The following NPAS3 variants were observed in gnomAD, a reference collection of about 807,000 sequenced individuals.
NPAS3 encodes the protein neuronal PAS domain-containing protein 3.
A neutral mutation model predicts 73.1 loss-of-function variants in NPAS3; 14 were observed. The observed-to-expected ratio is 0.19, with a 90% CI of 0.13 to 0.30. The LOEUF is 0.30. Among genes scored for constraint, NPAS3 ranks in the 10% least tolerant of loss-of-function variants. The probability of loss-of-function intolerance (pLI) is 1.00; values close to 1 mark genes in which losing one functional copy is unlikely to be tolerated. For missense variants in NPAS3, 1,096 were observed against 1,250.0 expected, an observed-to-expected ratio of 0.88 and a Z score of 1.86; for synonymous variants, 620 against 541.5, an observed-to-expected ratio of 1.14 and a Z score of -2.01.
At chr14:33,785,231 C>G (rs1229513157) in intron 9 of NPAS3, among the ~76,000 whole-genome samples, 3 of 151,328 alleles carry the variant, frequency 2.0e-5, no homozygotes, top group Admixed American at 6.6e-5. Context: ...GTCAGGAGTT[C>G]GAGACCAGCC....
chr14:33,009,296 T>G (rs1314215455), intron 1 of NPAS3, among the ~76,000 whole-genome samples: 1 of 152,162 alleles, frequency 6.6e-6, no homozygotes, highest in Non-Finnish European at 1.5e-5. Context: ...AATGCAAGCA[T>G]CCAGTAGTAT....
chr14:33,194,901 G>C (rs1458698993), intron 2 of NPAS3, among the ~76,000 whole-genome samples: 1 of 152,140 alleles, frequency 6.6e-6, no homozygotes, highest in Non-Finnish European at 1.5e-5. Context: ...TTAGGAAGAA[G>C]TAGCATTTAG....
At chr14:33,202,485 C>G (rs1244826915) in intron 2 of NPAS3, among the ~76,000 whole-genome samples, 1 of 151,996 alleles carries the variant, frequency 6.6e-6, no homozygotes, top group Non-Finnish European at 1.5e-5. Context: ...ATTTGTAATT[C>G]CTCAAAGGCA....
At chr14:33,138,405 T>C (rs1470646405) in intron 2 of NPAS3, among the ~76,000 whole-genome samples, 1 of 152,180 alleles carries the variant, frequency 6.6e-6, no homozygotes, top group East Asian at 1.9e-4. Context: ...TGAATACATA[T>C]AAAGCTATAA....
intron 4 of NPAS3, among the ~76,000 whole-genome samples, chr14:33,551,988 T>G (rs1381343097): frequency 1.3e-5 from 2 of 152,254 alleles, no homozygotes; most frequent in Non-Finnish European, 2.9e-5. Flanking sequence ...TTTATAAAGT[T>G]AATTTTCAAC....
intron 5 of NPAS3, among the ~76,000 whole-genome samples, chr14:33,565,434 C>T (rs1008258815): frequency 3.3e-5 from 5 of 152,286 alleles, no homozygotes; most frequent in East Asian, 1.9e-4. Context: ...ATAACTTGGC[C>T]GAGGGCCAAT....
intron 2 of NPAS3, among the ~76,000 whole-genome samples, chr14:33,087,418 G>A (rs1324433309): frequency 6.6e-6 from 1 of 151,512 alleles, no homozygotes; most frequent in African/African-American, 2.4e-5. Context: ...ACCAAGTAGG[G>A]AACAAAAAAA....
chr14:33,016,283 C>A (rs918116955), intron 1 of NPAS3, among the ~76,000 whole-genome samples: 4 of 152,122 alleles, frequency 2.6e-5, no homozygotes, highest in African/African-American at 4.8e-5. Flanking sequence ...CCGCTTAATA[C>A]AGAGCCAGTG....
chr14:33,204,313 G>A (rs1363139182), intron 2 of NPAS3, among the ~76,000 whole-genome samples: 2 of 152,072 alleles, frequency 1.3e-5, no homozygotes, highest in Non-Finnish European at 2.9e-5. Flanking sequence ...GTAGTCTCAT[G>A]CCATAGAGCC....
intron 4 of NPAS3, among the ~76,000 whole-genome samples, chr14:33,406,107 G>A (rs927561599): frequency 2.6e-5 from 4 of 152,038 alleles, no homozygotes; most frequent in African/African-American, 9.7e-5. Flanking sequence ...AAAAAAAGAT[G>A]TCATCAGTGT....
At chr14:33,515,531 G>T (rs2053256164) in intron 4 of NPAS3, among the ~76,000 whole-genome samples, 1 of 152,172 alleles carries the variant, frequency 6.6e-6, no homozygotes, top group East Asian at 1.9e-4. Flanking sequence ...ACCCATTTGT[G>T]TAAGTATTGT....
intron 4 of NPAS3, among the ~76,000 whole-genome samples, chr14:33,554,847 G>T (rs1314926610): frequency 6.6e-6 from 1 of 152,198 alleles, no homozygotes; most frequent in African/African-American, 2.4e-5. Flanking sequence ...TTAAACATTA[G>T]TATACCTTCA....
At chr14:33,039,321 G>A (rs551252237) in intron 1 of NPAS3, among the ~76,000 whole-genome samples, 4 of 152,014 alleles carry the variant, frequency 2.6e-5, no homozygotes, top group African/African-American at 9.7e-5. Flanking sequence ...ACCAATAGAG[G>A]CCTAATTTCC....
At chr14:33,321,534 A>C (rs2043449159) in intron 3 of NPAS3, among the ~76,000 whole-genome samples, 1 of 151,988 alleles carries the variant, frequency 6.6e-6, no homozygotes, top group Non-Finnish European at 1.5e-5. Flanking sequence ...TAGGCATAAT[A>C]ACACAGCAGA....
chr14:33,022,204 A>G (rs531818554), intron 1 of NPAS3, among the ~76,000 whole-genome samples: 1 of 152,230 alleles, frequency 6.6e-6, no homozygotes, highest in African/African-American at 2.4e-5. Context: ...TGTCAATGGG[A>G]AAATAATGAA....
intron 4 of NPAS3, among the ~76,000 whole-genome samples, chr14:33,527,979 T>C (rs756364442): frequency 6.6e-6 from 1 of 152,094 alleles, no homozygotes; most frequent in Non-Finnish European, 1.5e-5. Context: ...AGGAAGCTAA[T>C]GTCCTGGACC....
rs951065915 is a variant in NPAS3, at chr14:33,143,491, C to CA, written c.141-71679dup. Among the ~76,000 whole-genome samples, 1,210 of 140,428 alleles carry CA rather than the reference C, an allele frequency of 8.6e-3. 14 individuals carry two copies. Among genetic ancestry groups the CA allele is most frequent in the African/African-American group, 0.027 (1,030 of 38,450 alleles). The allele number at this position is 140,428 out of a possible 152,430, so 92.1% of individuals were successfully genotyped here. A position where few individuals can be genotyped will look rare whatever the true frequency, so the allele number is the denominator to read the frequency against. On this transcript the variant is annotated intron_variant, in intron 2 of 11. Transcript: ENST00000356141. Reference sequence around the variant, plus strand: ...GGGCAACAAGAACGAAACTCTGTCTCAAAAAAAAAAAAGTATCCTGTTCTC... The same window carrying CA: ...GGGCAACAAGAACGAAACTCTGTCTCAAAAAAAAAAAAAGTATCCTGTTCTC...
intron 5 of NPAS3, among the ~76,000 whole-genome samples, chr14:33,579,876 C>T (rs2139870734): frequency 6.6e-6 from 1 of 152,184 alleles, no homozygotes; most frequent in South Asian, 2.1e-4. Flanking sequence ...AGCAGAAATA[C>T]AGATGTTTGA....
intron 7 of NPAS3, among the ~76,000 whole-genome samples, chr14:33,770,200 G>A (rs1595581949): frequency 6.6e-6 from 1 of 152,210 alleles, no homozygotes; most frequent in East Asian, 1.9e-4. Flanking sequence ...GTGTAGCCAT[G>A]GTTGAGAACC....
Sources: allele counts gnomAD v4.1 joint callset (sites outside exome capture counted in the v4.1 genomes callset), GRCh38; gene constraint gnomAD v4.1.1; transcripts MANE v1.5; gene names NCBI Gene and HGNC (gene_info 2026-07-23, HGNC 2026-07-21).